NOL4: variants seen among roughly 807,000 people sequenced by gnomAD.
NOL4 encodes nucleolar protein 4.
A neutral mutation model predicts 75.9 loss-of-function variants in NOL4; 17 were observed. The observed-to-expected ratio is 0.22, with a 90% confidence interval of 0.15 to 0.34. The LOEUF (loss-of-function observed/expected upper bound fraction) is 0.34. NOL4 is among the 10% of genes least tolerant of loss of function. NOL4 has a pLI of 1.00. For synonymous variants in NOL4, 292 were observed against 289.9 expected (o/e 1.01, Z -0.07); for missense variants, 614 against 793.5 (o/e 0.77, Z 2.72).
At chr18:33,984,622 T>C (rs1171263786) in intron 6 of NOL4, among the ~76,000 whole-genome samples, 1 of 152,108 alleles carries the variant, frequency 6.6e-6, no homozygotes, top group South Asian at 2.1e-4. Flanking sequence ...GCTCTGGCCA[T>C]GTAAGACGTC....
At chr18:33,862,587 A>T (rs1324750431) in intron 10 of NOL4, among the ~76,000 whole-genome samples, 1 of 152,200 alleles carries the variant, frequency 6.6e-6, no homozygotes, top group Non-Finnish European at 1.5e-5. Context: ...AAAAACAAAG[A>T]GCCCCATCAA....
rs2068601447 is a variant in NOL4 at position 33,943,055 on chromosome 18, G to A, written c.1542+10C>T. On this transcript the variant is annotated intron_variant, in intron 9 of 10. Coordinates refer to ENST00000261592, the MANE Select transcript of NOL4 (RefSeq NM_003787.5). ...GCTGGTGTTCACCAGACTTCAAGAT[G>A]CCTCAGTACCTGCTGTCTCTCCAGA... The A allele has an allele frequency of 6.3e-7, 1 of 1,576,440 alleles. No individual in the cohort carries two copies. Among genetic ancestry groups the A allele is most frequent in the Non-Finnish European group, 8.7e-7 (1 of 1,148,192 alleles).
intron 5 of NOL4, among the ~76,000 whole-genome samples, chr18:34,061,337 T>C (rs1233440762): frequency 1.3e-5 from 2 of 152,164 alleles, no homozygotes; most frequent in East Asian, 1.9e-4. Flanking sequence ...TGAGGTGTTA[T>C]TGACAATATG....
At chr18:34,151,157 T>C (rs1375416695) in intron 1 of NOL4, among the ~76,000 whole-genome samples, 1 of 151,868 alleles carries the variant, frequency 6.6e-6, no homozygotes, top group Non-Finnish European at 1.5e-5. Context: ...TTTGGCACTT[T>C]CTGATAAAAC....
chr18:33,908,690 A>T (rs1229875191), intron 9 of NOL4, among the ~76,000 whole-genome samples: 2 of 152,180 alleles, frequency 1.3e-5, no homozygotes, highest in Non-Finnish European at 2.9e-5. Flanking sequence ...TAAGCCATCA[A>T]TATGGTGATG....
intron 1 of NOL4, chr18:34,222,349 G>A (rs917907870): frequency 1.3e-5 from 17 of 1,263,092 alleles, no homozygotes; most frequent in South Asian, 6.7e-5. Context: ...GGAATGGGGG[G>A]GCGGGGAGGA....
intron 5 of NOL4, among the ~76,000 whole-genome samples, chr18:34,028,482 G>T (rs2075463183): frequency 6.6e-6 from 1 of 152,178 alleles, no homozygotes; most frequent in Admixed American, 6.5e-5. Context: ...ACAGCCTACT[G>T]CATTGATAGC....
intron 6 of NOL4, among the ~76,000 whole-genome samples, chr18:33,972,738 C>T (rs547090734): frequency 1.5e-4 from 23 of 152,308 alleles, no homozygotes; most frequent in East Asian, 1.2e-3. Context: ...GCTATGTTTA[C>T]AGTATACTGT....
At chr18:33,971,995 A>G (rs1366910780) in intron 6 of NOL4, among the ~76,000 whole-genome samples, 2 of 151,972 alleles carry the variant, frequency 1.3e-5, no homozygotes, top group Non-Finnish European at 2.9e-5. Flanking sequence ...GTGAAGCCCC[A>G]TCTCAACTAA....
chr18:33,883,382 T>C lies in NOL4; in HGVS notation c.1585A>G (p.Thr529Ala). The change falls in exon 10 of 11, where the codon ACC becomes GCC. Residue 529 changes from threonine to alanine, a missense_variant. By Grantham distance (58) the Thr-to-Ala change is moderately conservative. Coordinates refer to ENST00000261592, the MANE Select transcript of NOL4 (RefSeq NM_003787.5). ...PADKQCKPEA[T>A]QATYSTSAVP... ...GCTGATGTTGAGTAAGTGGCCTGGG[T>C]CGCCTCTGGTTTACACTGTTTGTCA... 1 of 1,612,742 alleles carries C rather than the reference T, an allele frequency of 6.2e-7. No homozygotes were observed. The highest frequency in any genetic ancestry group is 1.1e-5 in the South Asian group (1 of 90,964).
chr18:33,882,973 G>A lies in NOL4; in HGVS notation c.1723+271C>T, dbSNP rs551882960. Among the ~76,000 whole-genome samples the A allele has an allele frequency of 4.7e-3, 714 of 151,814 alleles. 7 individuals carry two copies. Among genetic ancestry groups the A allele is most frequent in the Non-Finnish European group, 8.4e-3 (570 of 67,968 alleles). ...TCGCAAGAACAAAAAACCAAACACC[G>A]CATATTCTCATTCATAGGTGGGAAT... On this transcript the variant is annotated intron_variant, in intron 10 of 10. Transcript: ENST00000261592.
intron 1 of NOL4, among the ~76,000 whole-genome samples, chr18:34,179,436 A>C (rs2033845591): frequency 6.6e-6 from 1 of 151,424 alleles, no homozygotes; most frequent in South Asian, 2.1e-4. Context: ...GTTTGTGGTA[A>C]AGATCAGCAA....
At chr18:33,900,034 A>C (rs1599797730) in intron 9 of NOL4, among the ~76,000 whole-genome samples, 1 of 152,054 alleles carries the variant, frequency 6.6e-6, no homozygotes, top group East Asian at 1.9e-4. Flanking sequence ...GTCTTCTAAA[A>C]CTCTTTATTA....
rs529693882 is a variant in NOL4 at position 33,950,740 on chromosome 18, G to A, written c.1428+6586C>T. 2.0e-5 allele frequency among the ~76,000 whole-genome samples: 3 copies of A among 152,304 alleles called. No individual in the cohort carries two copies. In the East Asian group the frequency reaches 5.8e-4, roughly 29 times the overall value. Reference sequence around the variant, plus strand: ...GAAGAAAGAGAGATTTGAGGCTGCTGTTAGCTAGCAGTGAGGATTAAATAG... The same window carrying A: ...GAAGAAAGAGAGATTTGAGGCTGCTATTAGCTAGCAGTGAGGATTAAATAG... On this transcript the variant is annotated intron_variant, in intron 8 of 10. Transcript: ENST00000261592.
At chr18:34,221,174 C>G (rs1006572305) in intron 1 of NOL4, 1 of 151,916 alleles carries the variant, frequency 6.6e-6, no homozygotes, top group Non-Finnish European at 1.5e-5. Flanking sequence ...TTAGAGGGAC[C>G]TAAGTTTAAC....
intron 9 of NOL4, among the ~76,000 whole-genome samples, chr18:33,893,822 G>A (rs1167926140): frequency 1.3e-5 from 2 of 151,974 alleles, no homozygotes; most frequent in African/African-American, 2.4e-5. Context: ...CATGTGATGT[G>A]GTCAGGGCAG....
intron 6 of NOL4, among the ~76,000 whole-genome samples, chr18:33,962,537 T>C (rs563574586): frequency 2.0e-5 from 3 of 152,340 alleles, no homozygotes; most frequent in South Asian, 2.1e-4. Flanking sequence ...TTAAGGATCA[T>C]ACTAACATAT....
chr18:34,008,199 C>A (rs2074150721), intron 6 of NOL4, among the ~76,000 whole-genome samples: 1 of 151,946 alleles, frequency 6.6e-6, no homozygotes, highest in South Asian at 2.1e-4. Context: ...TCTTCTAATT[C>A]AGACTGGGAC....
intron 6 of NOL4, among the ~76,000 whole-genome samples, chr18:33,987,845 G>T (rs1451888781): frequency 6.6e-6 from 1 of 152,026 alleles, no homozygotes; most frequent in Non-Finnish European, 1.5e-5. Context: ...CTGAATTGAG[G>T]AGACTTGGAG....
Sources: allele counts gnomAD v4.1 joint callset (sites outside exome capture counted in the v4.1 genomes callset), GRCh38; gene constraint gnomAD v4.1.1; transcripts MANE v1.5; gene names NCBI Gene and HGNC (gene_info 2026-07-23, HGNC 2026-07-21).